Variants in RFT1 observed in about 807,000 individuals in gnomAD.
RFT1 encodes the protein man(5)GlcNAc(2)-PP-dolichol translocation protein RFT1.
Under a neutral mutation model 62.2 loss-of-function variants are expected in RFT1, and 43 were observed. The observed-to-expected ratio is 0.69, with a 90% confidence interval of 0.54 to 0.89. The LOEUF (loss-of-function observed/expected upper bound fraction) is 0.89. Among genes scored for constraint, RFT1 ranks in the 40% least tolerant of loss-of-function variants. The probability of loss-of-function intolerance (pLI) is 0.00; values close to 1 mark genes in which losing one functional copy is unlikely to be tolerated. For synonymous variants in RFT1, 262 were observed against 264.6 expected, an observed-to-expected ratio of 0.99 and a Z score of 0.10; for missense variants, 605 against 649.9, an observed-to-expected ratio of 0.93 and a Z score of 0.75.
rs886058723 is a variant in RFT1 at position 53,091,750 on chromosome 3, G to A, written c.*153C>T. ...TTTCAGACTTCGAATGGTCACAGGT[G>A]TCTCATGCAGTGGCACTCTCTGGTG... On this transcript the variant is annotated 3_prime_UTR_variant, in exon 13 of 13. Transcript: ENST00000296292. The A allele has an allele frequency of 2.5e-6, 2 of 784,778 alleles. No homozygotes were observed. Among genetic ancestry groups the A allele is most frequent in the South Asian group, 2.9e-5 (2 of 68,568 alleles). 48.6% of individuals were successfully genotyped at this position (784,778 alleles called of 1,614,324 possible).
At position 53,091,597 on chromosome 3, in the gene RFT1, G is replaced by T; in HGVS notation, c.*306C>A. ...TTTGTTGGAGCATGTAGCTCCAAAG[G>T]CCAATCATACGCAAAAGGAATGAGT... On this transcript the variant is annotated 3_prime_UTR_variant, in exon 13 of 13. Coordinates refer to ENST00000296292, the MANE Select transcript of RFT1 (RefSeq NM_052859.4). 2.7e-6 allele frequency: 1 copy of T among 374,410 alleles called. No individual in the cohort carries two copies. The highest frequency in any genetic ancestry group is 2.6e-5 in the South Asian group (1 of 38,120). The allele number at this position is 374,410 out of a possible 1,614,324, so 23.2% of individuals were successfully genotyped here.
Position 53,092,214 on chromosome 3 carries a change from T to C in RFT1, c.1459-144A>G, listed in dbSNP as rs1005264430. On this transcript the variant is annotated intron_variant, in intron 12 of 12. Coordinates refer to ENST00000296292, the MANE Select transcript of RFT1 (RefSeq NM_052859.4). ...ATACTGCAGGTCCATTGTTTCCCCA[T>C]TGGCAACATTCTCTTGTCACATTAT... The C allele has an allele frequency of 4.5e-5, 63 of 1,396,140 alleles. No homozygotes were observed. In the African/African-American group the frequency reaches 5.0e-4, roughly 11 times the overall value. 86.5% of individuals were successfully genotyped at this position (1,396,140 alleles called of 1,614,324 possible).
the RFT1 span, among the ~76,000 whole-genome samples, chr3:53,079,597 G>A: frequency 8.5e-5 from 13 of 152,148 alleles, no homozygotes; most frequent in Non-Finnish European, 1.5e-4. Context: ...AGCTGGGCAT[G>A]GTGGTGGGCG....
At chr3:53,114,735 C>A (rs1701746091) in intron 6 of RFT1, among the ~76,000 whole-genome samples, 1 of 147,626 alleles carries the variant, frequency 6.8e-6, no homozygotes, top group African/African-American at 2.5e-5. Flanking sequence ...TTCCACTGCC[C>A]TCACTGTACT....
At chr3:53,087,397 C>T (rs1419663148), downstream of RFT1, among the ~76,000 whole-genome samples, 6 of 152,090 alleles carry the variant, frequency 3.9e-5, no homozygotes, top group East Asian at 1.9e-4. Context: ...AGAGGCCACA[C>T]AGCAACACTC....
Position 53,111,822 on chromosome 3 carries a change from C to G in RFT1, c.775+8G>C. ...TCTCCCGACGATTCAGAGTGACCGTCTACTTACCTTCTGTCAAAATCTGTT... is the reference window on the plus strand; with the variant it reads ...TCTCCCGACGATTCAGAGTGACCGTGTACTTACCTTCTGTCAAAATCTGTT... On this transcript the variant is annotated splice_region_variant and intron_variant, in intron 7 of 12. Coordinates refer to ENST00000296292, the MANE Select transcript of RFT1 (RefSeq NM_052859.4). 1 of 1,611,590 alleles carries G rather than the reference C, an allele frequency of 6.2e-7. No homozygotes were observed. Among genetic ancestry groups the G allele is most frequent in the East Asian group, 2.2e-5 (1 of 44,866 alleles).
intron 6 of RFT1, among the ~76,000 whole-genome samples, chr3:53,116,240 G>A (rs1701787223): frequency 1.3e-5 from 2 of 151,634 alleles, no homozygotes; most frequent in Non-Finnish European, 2.9e-5. Context: ...CAGGCATGCT[G>A]CTCATGGTAA....
intron 10 of RFT1, among the ~76,000 whole-genome samples, 177 bp from the exon 11 acceptor site, chr3:53,099,663 T>G (rs1701255736): frequency 6.6e-6 from 1 of 151,998 alleles, no homozygotes; most frequent in Non-Finnish European, 1.5e-5. Flanking sequence ...TTCCCAACAT[T>G]CTATGGCATT....
intron 5 of RFT1, among the ~76,000 whole-genome samples, chr3:53,120,308 T>C (rs1352874004): frequency 1.3e-5 from 2 of 152,240 alleles, no homozygotes; most frequent in African/African-American, 2.4e-5. Flanking sequence ...ACCACAGCCA[T>C]GTCTGATACA....
chr3:53,100,284 T>G (rs1422041034), intron 10 of RFT1, among the ~76,000 whole-genome samples: 1 of 152,218 alleles, frequency 6.6e-6, no homozygotes, highest in Non-Finnish European at 1.5e-5. Flanking sequence ...AATGCAGTTC[T>G]ATAGCTAACA....
At chr3:53,086,292 T>C (rs1353647573), downstream of RFT1, among the ~76,000 whole-genome samples, 1 of 152,136 alleles carries the variant, frequency 6.6e-6, no homozygotes, top group Non-Finnish European at 1.5e-5. Context: ...AGAGTAGTGA[T>C]CTTGTTCAGT....
the RFT1 span, among the ~76,000 whole-genome samples, chr3:53,068,709 A>G: frequency 1.3e-5 from 2 of 152,192 alleles, no homozygotes; most frequent in African/African-American, 4.8e-5. Flanking sequence ...GCGAGAAAAT[A>G]CAACAAAGGA....
intron 11 of RFT1, among the ~76,000 whole-genome samples, chr3:53,095,535 CCA>C (rs1487579029): frequency 6.6e-6 from 1 of 151,880 alleles, no homozygotes; most frequent in Non-Finnish European, 1.5e-5. Flanking sequence ...AACATGGTGC[CCA>C]GAGACTCCGT....
chr3:53,084,310 C>T (rs767204869), downstream of RFT1, among the ~76,000 whole-genome samples: 1 of 152,150 alleles, frequency 6.6e-6, no homozygotes, highest in Non-Finnish European at 1.5e-5. Context: ...CCTGGTGTTA[C>T]CTTTTGTGAT....
At position 53,115,098 on chromosome 3, in the gene RFT1, C is replaced by T. The variant is rs551578313; in HGVS notation, c.697-3190G>A. Reference sequence around the variant, plus strand: ...CCATCCTCCCCCTGTCCTTACTCCTCACCTGGACAATTGCCACAGGCTCCC... The same window carrying T: ...CCATCCTCCCCCTGTCCTTACTCCTTACCTGGACAATTGCCACAGGCTCCC... On this transcript the variant is annotated intron_variant, in intron 6 of 12. Transcript: ENST00000296292. Among the ~76,000 whole-genome samples, 4 of 152,306 alleles carry T rather than the reference C, an allele frequency of 2.6e-5. No homozygotes were observed. In the South Asian group the frequency reaches 8.3e-4, roughly 32 times the overall value.
downstream of RFT1, among the ~76,000 whole-genome samples, chr3:53,084,570 GCTCA>G (rs1208074385): frequency 6.6e-6 from 1 of 152,184 alleles, no homozygotes; most frequent in African/African-American, 2.4e-5. Context: ...ATTAGTCACT[GCTCA>G]CTGACTGCGA....
At chr3:53,067,655 G>A in the RFT1 span, among the ~76,000 whole-genome samples, 3 of 152,168 alleles carry the variant, frequency 2.0e-5, no homozygotes, top group African/African-American at 7.2e-5. Flanking sequence ...TTACTCCTCA[G>A]TAAGAGAATA....
Position 53,091,808 on chromosome 3 carries a change from A to G in RFT1, c.*95T>C, listed in dbSNP as rs1700996023. On this transcript the variant is annotated 3_prime_UTR_variant, in exon 13 of 13. Transcript: ENST00000296292. Reference sequence around the variant, plus strand: ...TCTGGGGTTGCTGTCACTCCGCTGCAGAGCCCTCAGTGGGGCTCTTACACA... The same window carrying G: ...TCTGGGGTTGCTGTCACTCCGCTGCGGAGCCCTCAGTGGGGCTCTTACACA... 1 of 1,372,904 alleles carries G rather than the reference A, an allele frequency of 7.3e-7. No homozygotes were observed. The highest frequency in any genetic ancestry group is 1.0e-6 in the Non-Finnish European group (1 of 967,394). 85.0% of individuals were successfully genotyped at this position (1,372,904 alleles called of 1,614,324 possible).
At chr3:53,097,688 A>G (rs1249707057) in intron 11 of RFT1, among the ~76,000 whole-genome samples, 1 of 152,262 alleles carries the variant, frequency 6.6e-6, no homozygotes, top group Non-Finnish European at 1.5e-5. Flanking sequence ...TACCGTAACA[A>G]AATTCCCTTC....
Sources: gnomAD v4.1 joint callset for allele counts (sites outside exome capture counted in the v4.1 genomes callset) on GRCh38, gnomAD v4.1.1 for gene constraint, MANE v1.5 for transcripts, NCBI Gene and HGNC (gene_info 2026-07-23, HGNC 2026-07-21) for gene names.